Variants in RECQL4 observed in about 807,000 individuals in gnomAD.
RECQL4 encodes the protein ATP-dependent DNA helicase Q4.
In RECQL4, 158 loss-of-function variants were observed where a neutral mutation model predicts 128.6. The observed-to-expected ratio is 1.23, with a 90% CI of 1.08 to 1.40. RECQL4 has a LOEUF of 1.40. Ranked by LOEUF, RECQL4 falls within the 40% of genes most tolerant of loss-of-function variation. The pLI is 0.00. For missense variants in RECQL4, 2,293 were observed against 1,649.8 expected (o/e 1.39, Z -6.75); for synonymous variants, 996 against 678.9 (o/e 1.47, Z -7.26).
Position 144,512,665 on chromosome 8 carries a change from G to A in RECQL4, c.2862C>T (p.Ala954=). ...HCRLNCPGGP[A]QLQALAHRCP... is the part of the protein sequence containing the mutation. ...ACCTGTGGGCCAGGGCCTGGAGCTG[G>A]GCAGGGCCCCCAGGGCAGTTCAGAC... Residue 954 remains alanine, a synonymous_variant, in exon 16 of 21, where the codon GCC becomes GCT. Coordinates refer to ENST00000617875, the MANE Select transcript of RECQL4 (RefSeq NM_004260.4). The A allele has an allele frequency of 1.2e-6, 2 of 1,612,586 alleles. No individual in the cohort carries two copies. Among genetic ancestry groups the A allele is most frequent in the Non-Finnish European group, 1.7e-6 (2 of 1,179,808 alleles).
chr8:144,514,398 C>A lies in RECQL4; in HGVS notation c.1705-36G>T, dbSNP rs1379724935. On this transcript the variant is annotated intron_variant, in intron 10 of 20. Transcript: ENST00000617875. ...CAAGATCAGAGGCACAGCCCAGGTG[C>A]CCGCCCGCTGCCTCCCTCACCCCTA... 3 of 1,600,430 alleles carry A rather than the reference C, an allele frequency of 1.9e-6. No individual in the cohort carries two copies. In the Admixed American group the frequency reaches 5.1e-5, roughly 27 times the overall value.
rs764424058 is a variant in RECQL4, at chr8:144,516,564, G to A, written c.555C>T (p.Ser185=). ...ATCGCTGTAACCAGCCAGGATCTAGGGAGCCCAGCCGCTGGCTCAGGGATG... is the reference window on the plus strand; with the variant it reads ...ATCGCTGTAACCAGCCAGGATCTAGAGAGCCCAGCCGCTGGCTCAGGGATG... ...LQASLSQRLG[S]LDPGWLQRCH... The change falls in exon 5 of 21, where the codon TCC becomes TCT. Residue 185 remains serine (S), a synonymous_variant. Coordinates refer to ENST00000617875, the MANE Select transcript of RECQL4 (RefSeq NM_004260.4). The A allele has an allele frequency of 4.3e-6, 7 of 1,609,874 alleles. No individual in the cohort carries two copies. The highest frequency in any genetic ancestry group is 5.9e-6 in the Non-Finnish European group (7 of 1,178,842).
chr8:144,515,121 C>G (rs755015553), intron 8 of RECQL4, 29 bp downstream of exon 8: 5 of 1,575,056 alleles, frequency 3.2e-6, no homozygotes, highest in Non-Finnish European at 4.3e-6. Context: ...TGGCCTCAGC[C>G]CAGCCTCAGC....
Position 144,513,364 on chromosome 8 carries a change from C to T in RECQL4, c.2317G>A (p.Ala773Thr), listed in dbSNP as rs1385567680. 1 of 1,606,470 alleles carries T rather than the reference C, an allele frequency of 6.2e-7. No homozygotes were observed. Among genetic ancestry groups the T allele is most frequent in the Non-Finnish European group, 8.5e-7 (1 of 1,179,680 alleles). ...GQLRVVVATVAFGMGLDRPDV... is the reference protein window; with the variant it reads ...GQLRVVVATVTFGMGLDRPDV... ...GGCCGGTCCAGCCCCATCCCAAAGG[C>T]CACCGTGGCCACCACCACCCGCAAC... Residue 773 changes from alanine to threonine, a missense_variant, in exon 14 of 21, where the codon GCC becomes ACC. By Grantham distance (58) the Ala-to-Thr change is moderately conservative. Transcript: ENST00000617875.
Position 144,513,996 on chromosome 8 carries a change from G to C in RECQL4, c.1990C>G (p.Leu664Val). The C allele has an allele frequency of 1.3e-6, 2 of 1,568,268 alleles. No individual in the cohort carries two copies. The highest frequency in any genetic ancestry group is 8.6e-7 in the Non-Finnish European group (1 of 1,157,426). Residue 664 changes from leucine to valine, a missense_variant, in exon 12 of 21, where the codon CTC becomes GTC. Leu to Val is a conservative substitution (Grantham distance 32). Transcript: ENST00000617875. ...GTGGGAACTGGGGCTGGCCCGTGGA[G>C]GTCAGGCTCTTCAGCCACAGCCAGG... ...QHLAVAEEPD[L>V]HGPAPVPTNL...
At position 144,512,055 on chromosome 8, in the gene RECQL4, G is replaced by A. The variant is rs886038539; in HGVS notation, c.3249C>T (p.Pro1083=). ...TFQAFHSVAF[P]SCGPCLEQQD... ...GCTGCTCCAGGCAGGGCCCGCAGCT[G>A]GGGAAGGCTACGCTGTGGGGAGGAG... Residue 1083 remains proline, a synonymous_variant, in exon 19 of 21, where the codon CCC becomes CCT. Coordinates refer to ENST00000617875, the MANE Select transcript of RECQL4 (RefSeq NM_004260.4). The A allele has an allele frequency of 5.6e-6, 9 of 1,608,278 alleles. No homozygotes were observed. Among genetic ancestry groups the A allele is most frequent in the Middle Eastern group, 1.7e-4 (1 of 6,058 alleles).
In RECQL4 at chr8:144,513,362, G is replaced by C. The variant is rs1294659607; in HGVS notation, c.2319C>G (p.Ala773=). The C allele has an allele frequency of 1.2e-6, 2 of 1,606,360 alleles. No individual in the cohort carries two copies. The highest frequency in any genetic ancestry group is 1.7e-4 in the Middle Eastern group (1 of 6,058). The part of the protein sequence containing the change: ...GQLRVVVATV[A]FGMGLDRPDV... ...CTGGCCGGTCCAGCCCCATCCCAAAGGCCACCGTGGCCACCACCACCCGCA... is the reference window on the plus strand; with the variant it reads ...CTGGCCGGTCCAGCCCCATCCCAAACGCCACCGTGGCCACCACCACCCGCA... The change falls in exon 14 of 21, where the codon GCC becomes GCG. Residue 773 remains alanine (A), a synonymous_variant. Coordinates refer to ENST00000617875, the MANE Select transcript of RECQL4 (RefSeq NM_004260.4).
In RECQL4 at chr8:144,513,633, G is replaced by A. The variant is rs2130683496; in HGVS notation, c.2138C>T (p.Thr713Ile). The change falls in exon 13 of 21, where the codon ACA (threonine) becomes ATA (isoleucine). Residue 713 changes from threonine (T) to isoleucine (I), a missense_variant. Thr to Ile is a moderately conservative substitution (Grantham distance 89, BLOSUM62 -1). Transcript: ENST00000617875. ...TCGGAGGAGCGCAGCGATCCGCTCT[G>A]TGTCCTCGCGCCGGTTGCAGTAAAT... ...IIIYCNRRED[T>I]ERIAALLRTC... is the part of the protein sequence containing the mutation. The A allele has an allele frequency of 6.3e-7, 1 of 1,595,080 alleles. No individual in the cohort carries two copies. Among genetic ancestry groups the A allele is most frequent in the Non-Finnish European group, 8.5e-7 (1 of 1,171,424 alleles).
Position 144,516,775 on chromosome 8 carries a change from A to C in RECQL4, c.355-11T>G, listed in dbSNP as rs1482304570. The C allele has an allele frequency of 1.1e-5, 17 of 1,516,414 alleles. No individual in the cohort carries two copies. The highest frequency in any genetic ancestry group is 1.5e-5 in the Non-Finnish European group (17 of 1,136,518). 93.9% of individuals were successfully genotyped at this position (1,516,414 alleles called of 1,614,324 possible). The stretch of plus-strand genomic sequence containing the variant: ...CAGGGCTGGTCCGGCCTGGGAGGGG[A>C]ACAACAGAACAGCAGGAGGAACTCA... On this transcript the variant is annotated splice_polypyrimidine_tract_variant and intron_variant, in intron 4 of 20. Coordinates refer to ENST00000617875, the MANE Select transcript of RECQL4 (RefSeq NM_004260.4).
intron 6 of RECQL4, 97 bp from the exon 7 acceptor site, chr8:144,515,554 G>A: frequency 6.4e-7 from 1 of 1,568,160 alleles, no homozygotes; most frequent in Non-Finnish European, 8.7e-7. Flanking sequence ...TTGGCAGCAG[G>A]CAGTGCCCTT....
rs755845445 is a variant in RECQL4 at position 144,511,921 on chromosome 8, C to A, written c.3383G>T (p.Gly1128Val). The stretch of plus-strand genomic sequence containing the variant: ...CCTTACTGCACTCACTCTGGCCTGC[C>A]CTGGCTCGGGGCCCTGTGCGTCCTC... The part of the protein sequence containing the change: ...GMEDAQGPEP[G>V]QARLQDWEDQ... Residue 1128 changes from glycine (G) to valine (V), a missense_variant, in exon 19 of 21, where the codon GGG becomes GTG. Physicochemically the swap from Gly to Val is moderately radical, Grantham distance 109. Transcript: ENST00000617875. The A allele has an allele frequency of 4.3e-6, 7 of 1,610,854 alleles. 1 individual carries two copies. In the South Asian group the frequency reaches 4.4e-5, roughly 10 times the overall value.
At chr8:144,516,907 G>A (rs1036070379) in intron 4 of RECQL4, 143 bp from the exon 5 acceptor site, 37 of 1,393,334 alleles carry the variant, frequency 2.7e-5, no homozygotes, top group Non-Finnish European at 3.2e-5. Context: ...CAAGGGCGAA[G>A]GCCCCGAGAA....
chr8:144,511,627 C>T, intron 20 of RECQL4, 54 bp downstream of exon 20: 1 of 1,607,124 alleles, frequency 6.2e-7, no homozygotes, highest in Non-Finnish European at 8.5e-7. Context: ...CCAGGCCTCA[C>T]CTGCCCCAGC....
rs988016143 is a variant in RECQL4, at chr8:144,511,294, CA to C, written c.*136del. 6.5e-7 allele frequency: 1 copy of C among 1,539,748 alleles called. No individual in the cohort carries two copies. Among genetic ancestry groups the C allele is most frequent in the East Asian group, 2.3e-5 (1 of 44,140 alleles). ...CATTGGCCAAGAGGGCCCATAAAAA[CA>C]AAGTGAGCATTTTTTATTCTGCATT... On this transcript the variant is annotated 3_prime_UTR_variant, in exon 21 of 21. Transcript: ENST00000617875.
rs751422368 is a variant in RECQL4, at chr8:144,512,657, T to TGGAGCTGGGCAGGGCCC, written c.2853_2869dup (p.Gln957ArgfsTer93). 4 of 1,612,376 alleles carry TGGAGCTGGGCAGGGCCC rather than the reference T, an allele frequency of 2.5e-6. No homozygotes were observed. In the African/African-American group the frequency reaches 5.3e-5, roughly 22 times the overall value. On this transcript the variant is annotated frameshift_variant, in exon 16 of 21. Coordinates refer to ENST00000617875, the MANE Select transcript of RECQL4 (RefSeq NM_004260.4). LOFTEE classifies it high-confidence loss of function. ...GCGTGCTTACCTGTGGGCCAGGGCC[T>TGGAGCTGGGCAGGGCCC]GGAGCTGGGCAGGGCCCCCAGGGCA...
chr8:144,515,693 T>G (rs1002430382), intron 6 of RECQL4, 71 bp downstream of exon 6: 2 of 1,565,148 alleles, frequency 1.3e-6, no homozygotes, highest in Non-Finnish European at 1.7e-6. Context: ...GGAACATAAG[T>G]GTCCCCCAAA....
In RECQL4 at chr8:144,513,373, C is replaced by T. The variant is rs759107465; in HGVS notation, c.2308G>A (p.Ala770Thr). The part of the protein sequence containing the change: ...FMQGQLRVVV[A>T]TVAFGMGLDR... ...AGCCCCATCCCAAAGGCCACCGTGG[C>T]CACCACCACCCGCAACTGGCCCTGC... The change falls in exon 14 of 21, where the codon GCC (alanine) becomes ACC (threonine). Residue 770 changes from alanine to threonine, a missense_variant. By Grantham distance (58) the Ala-to-Thr change is moderately conservative. Transcript: ENST00000617875. 1.9e-6 allele frequency: 3 copies of T among 1,606,974 alleles called. No homozygotes were observed. Among genetic ancestry groups the T allele is most frequent in the Admixed American group, 1.7e-5 (1 of 59,952 alleles).
Position 144,517,591 on chromosome 8 carries a change from C to T in RECQL4, c.118+11G>A. 1 of 1,480,434 alleles carries T rather than the reference C, an allele frequency of 6.8e-7. No homozygotes were observed. The highest frequency in any genetic ancestry group is 8.9e-7 in the Non-Finnish European group (1 of 1,124,286). 91.7% of individuals were successfully genotyped at this position (1,480,434 alleles called of 1,614,324 possible). A position where few individuals can be genotyped will look rare whatever the true frequency, so the allele number is the denominator to read the frequency against. On this transcript the variant is annotated intron_variant, in intron 2 of 20. Coordinates refer to ENST00000617875, the MANE Select transcript of RECQL4 (RefSeq NM_004260.4). ...TGTCTTCTCGCCCCCGCCGCCCCGC[C>T]GCGCGCTCACCGCGGGTCTCCTCCG...
intron 6 of RECQL4, 39 bp downstream of exon 6, chr8:144,515,725 A>G (rs759871134): frequency 1.9e-6 from 3 of 1,606,022 alleles, no homozygotes; most frequent in East Asian, 2.2e-5. Flanking sequence ...CCCTCTCCAC[A>G]GTGTTGGCCG....
Sources: allele counts gnomAD v4.1 joint callset, GRCh38; gene constraint gnomAD v4.1.1; transcripts MANE v1.5; gene names NCBI Gene and HGNC (gene_info 2026-07-23, HGNC 2026-07-21).